The following IQSEC3 variants were observed in gnomAD, a reference collection of about 807,000 sequenced individuals.
IQSEC3 encodes IQ motif and Sec7 domain ArfGEF 3.
A neutral mutation model predicts 105.4 loss-of-function variants in IQSEC3; 50 were observed. That is an observed-to-expected ratio of 0.47 (90% CI 0.38 to 0.60). The LOEUF (loss-of-function observed/expected upper bound fraction) is 0.60. IQSEC3 is among the 20% of genes least tolerant of loss of function. IQSEC3 has a pLI of 0.00. For missense variants in IQSEC3, 1,415 were observed against 1,630.0 expected, an observed-to-expected ratio of 0.87 and a Z score of 2.27; for synonymous variants, 708 against 746.0, an observed-to-expected ratio of 0.95 and a Z score of 0.83.
intron 2 of IQSEC3, among the ~76,000 whole-genome samples, chr12:122,618 T>C (rs1555082163): frequency 6.6e-6 from 1 of 152,200 alleles, no homozygotes; most frequent in African/African-American, 2.4e-5. Flanking sequence ...AATTATCAAG[T>C]GACTGCTTTG....
chr12:129,056 C>T (rs1430766999), intron 3 of IQSEC3, among the ~76,000 whole-genome samples: 1 of 152,240 alleles, frequency 6.6e-6, no homozygotes, highest in Non-Finnish European at 1.5e-5. Context: ...CCATCTGCTG[C>T]ATCTGGAAGA....
In IQSEC3 at chr12:174,810, G is replaced by T. The variant is rs376437020; in HGVS notation, c.3326G>T (p.Arg1109Leu). 1 of 1,583,122 alleles carries T rather than the reference G, an allele frequency of 6.3e-7. No homozygotes were observed. Among genetic ancestry groups the T allele is most frequent in the Admixed American group, 1.7e-5 (1 of 58,218 alleles). Reference protein sequence around the residue: ...VIVLDKPCLARMEPLLSQALS... With the variant: ...VIVLDKPCLALMEPLLSQALS... ...GTCCTGGACAAGCCCTGCCTGGCCC[G>T]CATGGAGCCCCTGCTGAGCCAGGCT... is the stretch of plus-strand genomic sequence containing the variant. Residue 1109 changes from arginine to leucine, a missense_variant, in exon 14 of 14, where the codon CGC becomes CTC. By Grantham distance (102) the Arg-to-Leu change is moderately radical (BLOSUM62 -2). Coordinates refer to ENST00000538872, the MANE Select transcript of IQSEC3 (RefSeq NM_001170738.2).
intron 2 of IQSEC3, among the ~76,000 whole-genome samples, chr12:101,587 C>G (rs1555076207): frequency 6.6e-6 from 1 of 152,126 alleles, no homozygotes; most frequent in East Asian, 1.9e-4. Flanking sequence ...TGGCTGGGGA[C>G]AGGGAGGACT....
intron 1 of IQSEC3, among the ~76,000 whole-genome samples, chr12:79,373 T>A (rs1863668830): frequency 6.6e-6 from 1 of 152,122 alleles, no homozygotes; most frequent in Non-Finnish European, 1.5e-5. Context: ...CACCTGTACT[T>A]GTACAGGTGG....
At chr12:118,756 C>T (rs1322551717) in intron 2 of IQSEC3, among the ~76,000 whole-genome samples, 2 of 152,212 alleles carry the variant, frequency 1.3e-5, no homozygotes, top group Non-Finnish European at 2.9e-5. Context: ...AGGAGAGTGC[C>T]GGGCCTCGGT....
intron 5 of IQSEC3, among the ~76,000 whole-genome samples, chr12:145,537 T>A (rs889266761): frequency 5.3e-5 from 8 of 152,176 alleles, no homozygotes. Context: ...TGACTCAAAC[T>A]CAGGTCTACT....
intron 2 of IQSEC3, among the ~76,000 whole-genome samples, chr12:103,696 G>A: frequency 3.7e-5 from 1 of 27,204 alleles, no homozygotes; most frequent in Non-Finnish European, 6.4e-5. Context: ...GGTAGGTGGG[G>A]GCTCAGGAGG....
intron 3 of IQSEC3, among the ~76,000 whole-genome samples, chr12:127,440 C>A (rs908926542): frequency 6.6e-6 from 1 of 152,122 alleles, no homozygotes; most frequent in Non-Finnish European, 1.5e-5. Flanking sequence ...TCCTTGAATG[C>A]GGGAGGCGGA....
chr12:83,812 G>T (rs782324990), intron 1 of IQSEC3, among the ~76,000 whole-genome samples: 1 of 152,076 alleles, frequency 6.6e-6, no homozygotes, highest in African/African-American at 2.4e-5. Context: ...GCCCCGGAGC[G>T]CCGTGCACCC....
intron 3 of IQSEC3, among the ~76,000 whole-genome samples, chr12:131,475 T>C (rs11064627): frequency 0.25 from 37,457 of 151,950 alleles, 5,507 homozygotes; most frequent in Non-Finnish European, 0.33. Flanking sequence ...CATTACTGAG[T>C]CCCCAGGTCC....
intron 3 of IQSEC3, among the ~76,000 whole-genome samples, chr12:134,487 T>G (rs782064989): frequency 6.6e-6 from 1 of 152,256 alleles, no homozygotes; most frequent in African/African-American, 2.4e-5. Context: ...TGGAAGCATC[T>G]CAAGCAATGG....
chr12:89,711 G>A (rs1008170672), intron 1 of IQSEC3, among the ~76,000 whole-genome samples: 1 of 152,174 alleles, frequency 6.6e-6, no homozygotes, highest in Non-Finnish European at 1.5e-5. Context: ...GTCTTTTGTG[G>A]ACACCTTCCT....
At chr12:151,118 G>A (rs1373718259) in intron 5 of IQSEC3, among the ~76,000 whole-genome samples, 6 of 127,086 alleles carry the variant, frequency 4.7e-5, no homozygotes, top group African/African-American at 8.6e-5. Flanking sequence ...CTCCTCCAGC[G>A]TGTGTCTGCA....
In IQSEC3 at chr12:153,498, G is replaced by A. The variant is rs144193353; in HGVS notation, c.2154-3527G>A. Among the ~76,000 whole-genome samples, 95 of 152,284 alleles carry A rather than the reference G, an allele frequency of 6.2e-4. 1 individual carries two copies. Among genetic ancestry groups the A allele is most frequent in the African/African-American group, 2.2e-3 (90 of 41,546 alleles). On this transcript the variant is annotated intron_variant, in intron 5 of 13. Coordinates refer to ENST00000538872, the MANE Select transcript of IQSEC3 (RefSeq NM_001170738.2). Reference sequence around the variant, plus strand: ...GGAAGTGCCTTCCTCAGGCAGGAGGGTAGAGTGTCCCACCACTCAGCACAG... The same window carrying A: ...GGAAGTGCCTTCCTCAGGCAGGAGGATAGAGTGTCCCACCACTCAGCACAG...
rs1866551177 is a variant in IQSEC3 at position 152,750 on chromosome 12, G to A, written c.2154-4275G>A. ...AAGAGAGCCCAGTGGGGCAGGGAGA[G>A]GCCTCACAAGATTAGGAAGCTGAAA... On this transcript the variant is annotated intron_variant, in intron 5 of 13. Transcript: ENST00000538872. This position sits in a 1 kb window ranked among gnomAD's most constrained non-coding sequence, Gnocchi z 4.8. Among the ~76,000 whole-genome samples the A allele has an allele frequency of 6.6e-6, 1 of 152,166 alleles. No homozygotes were observed. Among genetic ancestry groups the A allele is most frequent in the South Asian group, 2.1e-4 (1 of 4,830 alleles).
intron 2 of IQSEC3, among the ~76,000 whole-genome samples, chr12:100,100 G>A (rs1036415465): frequency 6.6e-6 from 1 of 152,170 alleles, no homozygotes; most frequent in African/African-American, 2.4e-5. Context: ...GTTATGGAGT[G>A]AATTTGGGCA....
At chr12:73,279 T>A (rs1221495751) in intron 1 of IQSEC3, among the ~76,000 whole-genome samples, 1 of 152,244 alleles carries the variant, frequency 6.6e-6, no homozygotes, top group East Asian at 1.9e-4. Context: ...CTTCACTGTT[T>A]ACTTTCTTTT....
chr12:124,914 A>G (rs1311251251), intron 2 of IQSEC3, among the ~76,000 whole-genome samples: 2 of 152,194 alleles, frequency 1.3e-5, no homozygotes, highest in African/African-American at 4.8e-5. Flanking sequence ...CTCCCGGGGA[A>G]CAGAGGATGG....
chr12:119,855 G>C lies in IQSEC3; in HGVS notation c.624-5778G>C, dbSNP rs797034315. Reference sequence around the variant, plus strand: ...TGTAGCTGAGCCAATCTTTGGTGGGGCTGATGGGGCTGACAGCTAAAGGCA... The same window carrying C: ...TGTAGCTGAGCCAATCTTTGGTGGGCCTGATGGGGCTGACAGCTAAAGGCA... On this transcript the variant is annotated intron_variant, in intron 2 of 13. Transcript: ENST00000538872. Among the ~76,000 whole-genome samples, 17 of 152,280 alleles carry C rather than the reference G, an allele frequency of 1.1e-4. No homozygotes were observed. The South Asian group carries it at 1.7e-3, about 15-fold the overall frequency.
Sources: gnomAD v4.1 joint callset for allele counts (sites outside exome capture counted in the v4.1 genomes callset) on GRCh38, gnomAD v4.1.1 for gene constraint, Gnocchi (gnomAD v3.1) non-coding constraint, MANE v1.5 for transcripts, NCBI Gene and HGNC (gene_info 2026-07-23, HGNC 2026-07-21) for gene names.